Variants in BAHCC1 observed in about 807,000 individuals in gnomAD.
BAHCC1 encodes BAH and coiled-coil domain-containing protein 1.
A neutral mutation model predicts 88.2 loss-of-function variants in BAHCC1; 43 were observed. That is an observed-to-expected ratio of 0.49 (90% CI 0.38 to 0.63). The LOEUF (loss-of-function observed/expected upper bound fraction) is 0.63. Ranked by LOEUF, BAHCC1 falls within the 20% of genes least tolerant of loss-of-function variation. The probability of loss-of-function intolerance (pLI) is 0.00; values close to 1 mark genes in which losing one functional copy is unlikely to be tolerated. For missense variants in BAHCC1, 3,023 were observed against 1,654.8 expected, an observed-to-expected ratio of 1.83 and a Z score of -14.34; for synonymous variants, 1,510 against 745.5, an observed-to-expected ratio of 2.03 and a Z score of -16.71.
intron 2 of BAHCC1, chr17:81,401,207 C>T (rs1404010710): frequency 6.6e-6 from 1 of 152,530 alleles, no homozygotes; most frequent in Non-Finnish European, 1.5e-5. Flanking sequence ...AAAAAACAAA[C>T]TTGAAATTGC....
chr17:81,433,864 C>T (rs553315245), intron 3 of BAHCC1, among the ~76,000 whole-genome samples: 5 of 152,330 alleles, frequency 3.3e-5, no homozygotes, highest in East Asian at 3.9e-4. Flanking sequence ...TGGCGGTCAT[C>T]GGGTAGACCC....
At chr17:81,416,107 GGTGT>G (rs146565029) in intron 2 of BAHCC1, among the ~76,000 whole-genome samples, 7,557 of 146,994 alleles carry the variant, frequency 0.051, 484 homozygotes, top group African/African-American at 0.16. Context: ...CATGAGGATG[GGTGT>G]GTGTGTGTCC....
rs36169187 is a variant in BAHCC1 at position 81,416,570 on chromosome 17, C to CGT, written c.179-10219_179-10218dup. On this transcript the variant is annotated intron_variant, in intron 2 of 27. Transcript: ENST00000675386. ...GTGTACATGAGGATGGGTGTATGTG[C>CGT]GTGTGTGTGTGTCCGTGAGGATGGT... is the stretch of plus-strand genomic sequence containing the variant. Among the ~76,000 whole-genome samples, 5 of 133,686 alleles carry CGT rather than the reference C, an allele frequency of 3.7e-5. No homozygotes were observed. The East Asian group carries it at 8.4e-4, about 22-fold the overall frequency. 87.7% of individuals were successfully genotyped at this position (133,686 alleles called of 152,430 possible).
At chr17:81,405,799 T>C (rs1315630812) in intron 2 of BAHCC1, among the ~76,000 whole-genome samples, 1 of 152,214 alleles carries the variant, frequency 6.6e-6, no homozygotes, top group Non-Finnish European at 1.5e-5. Flanking sequence ...ATGGGACCTG[T>C]CCTCTGTCCT....
chr17:81,438,540 G>A, intron 4 of BAHCC1, 48 bp downstream of exon 4: 1 of 736,610 alleles, frequency 1.4e-6, no homozygotes, highest in South Asian at 1.4e-5. Flanking sequence ...GCTGGAGGTG[G>A]GGAGGGGGCG....
At chr17:81,407,283 G>A (rs879993371) in intron 2 of BAHCC1, 1 of 514,052 alleles carries the variant, frequency 1.9e-6, no homozygotes, top group East Asian at 5.5e-5. Context: ...ACATTGGGGG[G>A]CAGTGCCTTC....
chr17:81,454,315 C>T (rs1429266620), intron 14 of BAHCC1, among the ~76,000 whole-genome samples: 1 of 152,198 alleles, frequency 6.6e-6, no homozygotes, highest in East Asian at 1.9e-4. Context: ...CTGGAGTTGA[C>T]TTCTGCCCCA....
At chr17:81,428,691 G>T (rs1287534094) in intron 3 of BAHCC1, among the ~76,000 whole-genome samples, 1 of 152,234 alleles carries the variant, frequency 6.6e-6, no homozygotes, top group Non-Finnish European at 1.5e-5. Context: ...CAGAGGGTGG[G>T]TGTGTGGTGG....
At position 81,434,144 on chromosome 17, in the gene BAHCC1, G is replaced by A. The variant is rs978754043; in HGVS notation, c.359-4226G>A. Among the ~76,000 whole-genome samples the A allele has an allele frequency of 6.6e-6, 1 of 152,176 alleles. No individual in the cohort carries two copies. The highest frequency in any genetic ancestry group is 1.5e-5 in the Non-Finnish European group (1 of 68,020). On this transcript the variant is annotated intron_variant, in intron 3 of 27. Coordinates refer to ENST00000675386, the MANE Select transcript of BAHCC1 (RefSeq NM_001377448.1). The surrounding 1 kb of genome is among the most constrained non-coding windows in gnomAD (Gnocchi z 4.9). ...AGTTGGCAGGAGGTGGGGGAGGGGT[G>A]TCTGCTTCTGAGCCAGGAGGATGGG...
intron 2 of BAHCC1, chr17:81,402,301 A>C (rs1382273051): frequency 6.6e-6 from 1 of 152,256 alleles, no homozygotes; most frequent in Admixed American, 6.5e-5. Flanking sequence ...TAGCTGAAAG[A>C]AAGCCTTTTG....
intron 2 of BAHCC1, among the ~76,000 whole-genome samples, chr17:81,420,705 G>T (rs1014427272): frequency 6.6e-6 from 1 of 152,246 alleles, no homozygotes. Context: ...CTGCAAACCC[G>T]GCCTGGGCCG....
chr17:81,465,737 T>TC lies in BAHCC1; in HGVS notation c.*1923dup, dbSNP rs1169661224. On this transcript the variant is annotated 3_prime_UTR_variant, in exon 28 of 28. Coordinates refer to ENST00000675386, the MANE Select transcript of BAHCC1 (RefSeq NM_001377448.1). ...CTGGCTGGACCCCCTGAAGGGCCGT[T>TC]CCCAGAGGCTCCCCAGGAGGCTCAA... 1 of 152,292 alleles carries TC rather than the reference T, an allele frequency of 6.6e-6. No homozygotes were observed. Among genetic ancestry groups the TC allele is most frequent in the Non-Finnish European group, 1.5e-5 (1 of 68,064 alleles). 9.4% of individuals were successfully genotyped at this position (152,292 alleles called of 1,614,324 possible).
chr17:81,411,637 TG>T lies in BAHCC1; in HGVS notation c.178+11724del, dbSNP rs2063956476. 5 of 401,720 alleles carry T rather than the reference TG, an allele frequency of 1.2e-5. No individual in the cohort carries two copies. Among genetic ancestry groups the T allele is most frequent in the South Asian group, 5.5e-5 (3 of 55,006 alleles). The allele number at this position is 401,720 out of a possible 1,614,324, so 24.9% of individuals were successfully genotyped here. Reference sequence around the variant, plus strand: ...AGCTGCTGGCCACCCGAAGAGGGTGTGGGGTGGTCAGGTTTGGGGCATTCCA... The same window carrying T: ...AGCTGCTGGCCACCCGAAGAGGGTGTGGGTGGTCAGGTTTGGGGCATTCCA... On this transcript the variant is annotated intron_variant, in intron 2 of 27. Transcript: ENST00000675386. The surrounding 1 kb of genome is among the most constrained non-coding windows in gnomAD (Gnocchi z 6.2).
rs1555657570 is a variant in BAHCC1, at chr17:81,457,414, T to C, written c.4863T>C (p.Ser1621=). ...ACCCCTCTGCCTCTCTCCCAGGCAGTGGCTATGACAGTGAGGACTGCGAGG... is the reference window on the plus strand; with the variant it reads ...ACCCCTCTGCCTCTCTCCCAGGCAGCGGCTATGACAGTGAGGACTGCGAGG... ...PSVAASQEAG[S]GYDSEDCEGL... The change falls in exon 17 of 28, where the codon AGT becomes AGC. Residue 1621 remains serine (S), a synonymous_variant. Transcript: ENST00000675386. 1 of 769,122 alleles carries C rather than the reference T, an allele frequency of 1.3e-6. No homozygotes were observed. The highest frequency in any genetic ancestry group is 1.4e-5 in the South Asian group (1 of 72,516). The allele number at this position is 769,122 out of a possible 1,614,324, so 47.6% of individuals were successfully genotyped here.
At chr17:81,460,186 T>A (rs2143652544) in intron 23 of BAHCC1, 91 bp from the exon 24 acceptor site, 45 of 652,910 alleles carry the variant, frequency 6.9e-5, no homozygotes, top group Non-Finnish European at 1.1e-4. Context: ...AGCCCTCCCC[T>A]CACCCTCCCC....
intron 2 of BAHCC1, among the ~76,000 whole-genome samples, chr17:81,409,480 C>G (rs948340062): frequency 2.6e-5 from 4 of 152,178 alleles, no homozygotes; most frequent in Non-Finnish European, 5.9e-5. Context: ...GGAGCGGGCT[C>G]AGGGTGGGGG....
At position 81,443,197 on chromosome 17, in the gene BAHCC1, G is replaced by A. The variant is rs782675163; in HGVS notation, c.1848G>A (p.Ala616=). ...CCTTTGGCAGTGGCCTGCAGCAGGCGGCTCTTCTGCCCCAGGAACTGCCTG... is the reference window on the plus strand; with the variant it reads ...CCTTTGGCAGTGGCCTGCAGCAGGCAGCTCTTCTGCCCCAGGAACTGCCTG... The part of the protein sequence containing the change: ...LDPFGSGLQQ[A]ALLPQELPAP... Residue 616 remains alanine (A), a synonymous_variant, in exon 5 of 28, where the codon GCG becomes GCA. Coordinates refer to ENST00000675386, the MANE Select transcript of BAHCC1 (RefSeq NM_001377448.1). 4.6e-5 allele frequency: 36 copies of A among 779,144 alleles called. No homozygotes were observed. Among genetic ancestry groups the A allele is most frequent in the Non-Finnish European group, 6.0e-5 (25 of 417,824 alleles). The allele number at this position is 779,144 out of a possible 1,614,324, so 48.3% of individuals were successfully genotyped here. A position where few individuals can be genotyped will look rare whatever the true frequency, so the allele number is the denominator to read the frequency against.
chr17:81,444,597 T>A, intron 7 of BAHCC1, 29 bp downstream of exon 7: 1 of 745,050 alleles, frequency 1.3e-6, no homozygotes, highest in Non-Finnish European at 2.5e-6. Flanking sequence ...GGGGCTGGCC[T>A]GGGGCTGATG....
intron 2 of BAHCC1, among the ~76,000 whole-genome samples, chr17:81,406,049 G>A (rs2063874363): frequency 1.3e-5 from 2 of 152,158 alleles, no homozygotes; most frequent in South Asian, 4.1e-4. Flanking sequence ...CAGCCTTTGG[G>A]GTGCCCCCTT....
Sources: allele counts gnomAD v4.1 joint callset (sites outside exome capture counted in the v4.1 genomes callset), GRCh38; gene constraint gnomAD v4.1.1; non-coding constraint Gnocchi (gnomAD v3.1); transcripts MANE v1.5; gene names NCBI Gene and HGNC (gene_info 2026-07-23, HGNC 2026-07-21).